Variants in NBPF9 observed in about 807,000 individuals in gnomAD.
NBPF9 encodes the protein NBPF member 9.
NBPF9 carries 91 observed loss-of-function variants against 97.8 expected under a neutral mutation model. The observed-to-expected ratio is 0.93, with a 90% CI of 0.79 to 1.11. NBPF9 has a LOEUF of 1.11. Ranked by LOEUF, NBPF9 falls within the 50% of genes least tolerant of loss-of-function variation. NBPF9 has a pLI of 0.00. For synonymous variants in NBPF9, 334 were observed against 359.5 expected (o/e 0.93, Z 0.80); for missense variants, 992 against 939.5 (o/e 1.06, Z -0.73).
chr1:149,097,389 T>A (rs1298500039), intron 4 of NBPF9, among the ~76,000 whole-genome samples: 12 of 152,172 alleles, frequency 7.9e-5, no homozygotes, highest in African/African-American at 2.7e-4. Flanking sequence ...TCTGGCCCAC[T>A]GTTGCCAGAA....
At chr1:149,064,028 A>ACACACT (rs1486412839) in intron 19 of NBPF9, among the ~76,000 whole-genome samples, 4 of 123,510 alleles carry the variant, frequency 3.2e-5, no homozygotes, top group Non-Finnish European at 7.1e-5. Context: ...ACACACACAC[A>ACACACT]CACACACACA....
intron 23 of NBPF9, 137 bp downstream of exon 23, chr1:149,061,195 C>T: frequency 3.1e-6 from 1 of 322,728 alleles, no homozygotes; most frequent in Non-Finnish European, 5.7e-6. Flanking sequence ...GCAATGAAAA[C>T]CAACAGCAAT....
chr1:149,097,995 C>T (rs1434100497), intron 4 of NBPF9, among the ~76,000 whole-genome samples: 2 of 152,008 alleles, frequency 1.3e-5, no homozygotes, highest in African/African-American at 2.4e-5. Context: ...CACATCTCCC[C>T]ACCCAGGACA....
exon 19 of NBPF9, chr1:149,064,458 T>A: frequency 7.1e-7 from 1 of 1,404,804 alleles, no homozygotes; most frequent in South Asian, 1.2e-5. Context: ...TTGGTCCTCC[T>A]TTTTCACTTG....
Position 149,073,330 on chromosome 1 carries a change from C to T in NBPF9, c.1092-398G>A, listed in dbSNP as rs587617601. Among the ~76,000 whole-genome samples the T allele has an allele frequency of 7.2e-5, 10 of 138,886 alleles. No individual in the cohort carries two copies. The East Asian group carries it at 1.0e-3, about 14-fold the overall frequency. The allele number at this position is 138,886 out of a possible 152,430, so 91.1% of individuals were successfully genotyped here. A position where few individuals can be genotyped will look rare whatever the true frequency, so the allele number is the denominator to read the frequency against. On this transcript the variant is annotated intron_variant, in intron 13 of 29. Transcript: ENST00000584027. ...GAAATGAGGCCAGGGGCAGATGGGG[C>T]GAATTGAAAAGACGAAAGAAGAAAA... is the stretch of plus-strand genomic sequence containing the variant.
At chr1:149,103,229 C>T (rs1456273180) in intron 1 of NBPF9, 72 bp downstream of exon 1, 2 of 150,852 alleles carry the variant, frequency 1.3e-5, no homozygotes, top group African/African-American at 4.9e-5. Flanking sequence ...TTGCGACAGC[C>T]GCAGCTCGAC....
At chr1:149,077,738 C>T in intron 10 of NBPF9, 145 bp downstream of exon 10, 1 of 1,012,600 alleles carries the variant, frequency 9.9e-7, no homozygotes, top group Non-Finnish European at 1.6e-6. Flanking sequence ...GCTGCCGCAC[C>T]CTGTGTCTAA....
intron 21 of NBPF9, 103 bp downstream of exon 21, chr1:149,062,759 A>G: frequency 3.9e-6 from 3 of 774,244 alleles, no homozygotes; most frequent in Non-Finnish European, 7.1e-6. Flanking sequence ...GAGTAATTCA[A>G]CCTCCGTTGA....
intron 5 of NBPF9, among the ~76,000 whole-genome samples, chr1:149,086,664 C>A (rs1216017147): frequency 1.3e-5 from 2 of 152,196 alleles, no homozygotes; most frequent in African/African-American, 2.4e-5. Context: ...ATGCACACTT[C>A]CACATACACA....
intron 3 of NBPF9, among the ~76,000 whole-genome samples, chr1:149,100,966 A>G (rs1263011268): frequency 6.6e-6 from 1 of 152,016 alleles, no homozygotes; most frequent in African/African-American, 2.4e-5. Context: ...AAACTAAAAT[A>G]AAATTGCTAT....
chr1:149,073,002 A>G, intron 13 of NBPF9, 70 bp from the exon 14 acceptor site: 1 of 1,546,762 alleles, frequency 6.5e-7, no homozygotes, highest in African/African-American at 1.4e-5. Flanking sequence ...ATTGCAACAG[A>G]GATTTCTGAA....
exon 14 of NBPF9, chr1:149,072,818 G>A (rs1312365290): frequency 6.0e-5 from 96 of 1,596,056 alleles, no homozygotes; most frequent in African/African-American, 3.5e-4. Context: ...CATCCGGAGT[G>A]AGGAGGGCCT....
intron 24 of NBPF9, chr1:149,060,217 C>T (rs2078509622): frequency 5.6e-6 from 1 of 177,616 alleles, no homozygotes; most frequent in East Asian, 9.0e-5. Context: ...AAAAGGAAAT[C>T]TACAAACCCT....
chr1:149,098,566 G>A lies in NBPF9; in HGVS notation c.-465C>T, dbSNP rs1473902773. Reference sequence around the variant, plus strand: ...AAGCCCTGGACAGTGGGAATTGGTGGCACCCCCAGCATGGAGGCCAAGAAC... The same window carrying A: ...AAGCCCTGGACAGTGGGAATTGGTGACACCCCCAGCATGGAGGCCAAGAAC... On this transcript the variant is annotated 5_prime_UTR_variant, in exon 4 of 30. Coordinates refer to ENST00000584027, the Ensembl canonical transcript of NBPF9. The A allele has an allele frequency of 2.1e-4, 300 of 1,450,858 alleles. No homozygotes were observed. In the African/African-American group the frequency reaches 3.8e-3, roughly 19 times the overall value. 89.9% of individuals were successfully genotyped at this position (1,450,858 alleles called of 1,614,324 possible). A position where few individuals can be genotyped will look rare whatever the true frequency, so the allele number is the denominator to read the frequency against.
chr1:149,058,817 C>G (rs1164643454), intron 26 of NBPF9, 108 bp downstream of exon 26: 1 of 710,738 alleles, frequency 1.4e-6, no homozygotes, highest in Non-Finnish European at 2.6e-6. Flanking sequence ...TAGGTCCTGC[C>G]TGTGGCAATG....
intron 26 of NBPF9, among the ~76,000 whole-genome samples, 186 bp from the exon 27 acceptor site, chr1:149,058,401 G>A (rs2078375388): frequency 1.4e-5 from 1 of 72,494 alleles, no homozygotes; most frequent in Non-Finnish European, 2.5e-5. Context: ...TCAGAACCAA[G>A]GGTGAAATAT....
chr1:149,073,005 T>C (rs1553653345), intron 13 of NBPF9, 73 bp from the exon 14 acceptor site: 3 of 1,537,428 alleles, frequency 2.0e-6, no homozygotes, highest in African/African-American at 2.7e-5. Context: ...GCAACAGAGA[T>C]TTCTGAAACA....
At chr1:149,101,268 G>A (rs1413213308) in exon 3 of NBPF9, 1 of 148,874 alleles carries the variant, frequency 6.7e-6, no homozygotes, top group Non-Finnish European at 1.5e-5. Context: ...TCACCTGTAG[G>A]TCCCAGCTAC....
chr1:149,064,115 C>T (rs2078856047), intron 19 of NBPF9, among the ~76,000 whole-genome samples: 1 of 138,830 alleles, frequency 7.2e-6, no homozygotes, highest in African/African-American at 2.8e-5. Flanking sequence ...GCTCTCAGGA[C>T]ACACAGTGAA....
Sources: allele counts gnomAD v4.1 joint callset (sites outside exome capture counted in the v4.1 genomes callset), GRCh38; gene constraint gnomAD v4.1.1; transcripts MANE v1.5; gene names NCBI Gene and HGNC (gene_info 2026-07-23, HGNC 2026-07-21).